CCSER1: variants seen among roughly 807,000 people sequenced by gnomAD.
CCSER1 encodes coiled-coil serine rich protein 1, also known as serine-rich coiled-coil domain-containing protein 1.
CCSER1 carries 41 observed loss-of-function variants against 82.0 expected under a neutral mutation model. The ratio of observed to expected loss-of-function variants is 0.50; its 90% confidence interval spans 0.39 to 0.65. The LOEUF (loss-of-function observed/expected upper bound fraction) is 0.65, where lower values mean the gene tolerates loss of function less well. Among genes scored for constraint, CCSER1 ranks in the 30% least tolerant of loss-of-function variants. The pLI, the probability that CCSER1 is intolerant of heterozygous loss-of-function variation, is 0.00. For synonymous variants in CCSER1, 414 were observed against 383.9 expected (o/e 1.08, Z -0.92); for missense variants, 1,119 against 1,064.2 (o/e 1.05, Z -0.72).
At chr4:90,728,260 T>G (rs1744044724) in intron 7 of CCSER1, among the ~76,000 whole-genome samples, 1 of 152,316 alleles carries the variant, frequency 6.6e-6, no homozygotes, top group Admixed American at 6.5e-5. Flanking sequence ...AAATCCAAGG[T>G]TCTCTGACTT....
intron 1 of CCSER1, among the ~76,000 whole-genome samples, chr4:90,245,871 C>G (rs955914492): frequency 1.3e-5 from 2 of 151,944 alleles, no homozygotes; most frequent in African/African-American, 4.8e-5. Flanking sequence ...TTTGCAACCA[C>G]AAGGAATCTA....
chr4:91,275,800 A>G (rs1742383847), intron 10 of CCSER1, among the ~76,000 whole-genome samples: 1 of 152,072 alleles, frequency 6.6e-6, no homozygotes, highest in Admixed American at 6.6e-5. Context: ...CAGCTTTTAG[A>G]TTTAAGTCTT....
intron 10 of CCSER1, among the ~76,000 whole-genome samples, chr4:91,159,164 T>A (rs1731119431): frequency 6.6e-6 from 1 of 151,950 alleles, no homozygotes; most frequent in Non-Finnish European, 1.5e-5. Flanking sequence ...TTTCCCCACA[T>A]GTTCTCCGGG....
At chr4:91,217,878 C>CAGTGGAGA (rs1737386743) in intron 10 of CCSER1, among the ~76,000 whole-genome samples, 1 of 152,246 alleles carries the variant, frequency 6.6e-6, no homozygotes, top group Non-Finnish European at 1.5e-5. Context: ...CTCCACTCCC[C>CAGTGGAGA]ACCAGACTCA....
In CCSER1 at chr4:90,548,639, T is replaced by A. The variant is rs114876481; in HGVS notation, c.1725-79386T>A. Among the ~76,000 whole-genome samples, 792 of 151,862 alleles carry A rather than the reference T, an allele frequency of 5.2e-3. 3 individuals are homozygous for A. Among genetic ancestry groups the A allele is most frequent in the African/African-American group, 0.018 (758 of 41,428 alleles). ...TAGTGAGTGGTAGGACCTGGGAAACTCCTATTGGTATTTGTGTCATGCTAA... is the reference window on the plus strand; with the variant it reads ...TAGTGAGTGGTAGGACCTGGGAAACACCTATTGGTATTTGTGTCATGCTAA... On this transcript the variant is annotated intron_variant, in intron 5 of 10. Coordinates refer to ENST00000509176, the MANE Select transcript of CCSER1 (RefSeq NM_001145065.2).
chr4:91,214,536 C>T (rs537753344), intron 10 of CCSER1, among the ~76,000 whole-genome samples: 4 of 152,132 alleles, frequency 2.6e-5, no homozygotes, highest in Non-Finnish European at 5.9e-5. Flanking sequence ...ATTCATAGTT[C>T]ATATTTCCTT....
chr4:90,968,675 T>C (rs1203074806), intron 9 of CCSER1, among the ~76,000 whole-genome samples: 1 of 152,060 alleles, frequency 6.6e-6, no homozygotes, highest in Non-Finnish European at 1.5e-5. Flanking sequence ...TCCAGGCTGA[T>C]TGGTGAAGGT....
At chr4:90,274,880 G>T (rs1179644428) in intron 1 of CCSER1, among the ~76,000 whole-genome samples, 2 of 152,100 alleles carry the variant, frequency 1.3e-5, no homozygotes, top group South Asian at 4.1e-4. Context: ...TAGAATGAAA[G>T]ATTGGGCTTA....
intron 10 of CCSER1, among the ~76,000 whole-genome samples, chr4:91,569,300 A>C (rs1328931574): frequency 6.6e-6 from 1 of 152,092 alleles, no homozygotes; most frequent in Non-Finnish European, 1.5e-5. Context: ...GTAGATTGCA[A>C]CTTGACACTC....
chr4:90,306,902 G>GA (rs932032067), intron 1 of CCSER1, among the ~76,000 whole-genome samples: 2 of 152,170 alleles, frequency 1.3e-5, no homozygotes, highest in Admixed American at 1.3e-4. Context: ...GCAGTCACTA[G>GA]AATAGCAATA....
intron 1 of CCSER1, among the ~76,000 whole-genome samples, chr4:90,183,547 A>T (rs1338522568): frequency 6.6e-6 from 1 of 152,136 alleles, no homozygotes; most frequent in Non-Finnish European, 1.5e-5. Flanking sequence ...GCACACACAC[A>T]TGCATGCACA....
intron 10 of CCSER1, among the ~76,000 whole-genome samples, chr4:91,498,132 A>T (rs1049280379): frequency 6.6e-6 from 1 of 152,028 alleles, no homozygotes. Flanking sequence ...ACCCAAGGTC[A>T]GAGTGAGAAA....
intron 3 of CCSER1, among the ~76,000 whole-genome samples, chr4:90,347,012 C>A (rs1742466436): frequency 6.6e-6 from 1 of 151,978 alleles, no homozygotes; most frequent in African/African-American, 2.4e-5. Context: ...CAGGTGAATT[C>A]AATATGGATA....
intron 5 of CCSER1, among the ~76,000 whole-genome samples, chr4:90,548,749 T>TAC (rs1553939942): frequency 6.0e-4 from 89 of 147,834 alleles, no homozygotes; most frequent in Middle Eastern, 3.6e-3. Context: ...TATATATATA[T>TAC]ACACACACAC....
In CCSER1 at chr4:90,835,300, T is replaced by C. The variant is rs1017202138; in HGVS notation, c.2094+19455T>C. 9.2e-5 allele frequency among the ~76,000 whole-genome samples: 14 copies of C among 152,162 alleles called. 1 individual carries two copies. Among genetic ancestry groups the C allele is most frequent in the Admixed American group, 6.5e-5 (1 of 15,278 alleles). On this transcript the variant is annotated intron_variant, in intron 8 of 10. Coordinates refer to ENST00000509176, the MANE Select transcript of CCSER1 (RefSeq NM_001145065.2). ...GAGCCGAGATGACGCCACTGCACTC[T>C]AGCCCGGGCGACAGAGCCAAACTCC...
chr4:90,367,638 G>A (rs942535727), intron 3 of CCSER1, among the ~76,000 whole-genome samples: 26 of 151,798 alleles, frequency 1.7e-4, no homozygotes, highest in African/African-American at 6.3e-4. Flanking sequence ...AATATAAAAT[G>A]AGGAAAAAAA....
chr4:91,207,239 G>T (rs969344800), intron 10 of CCSER1, among the ~76,000 whole-genome samples: 1 of 151,770 alleles, frequency 6.6e-6, no homozygotes, highest in African/African-American at 2.4e-5. Context: ...TTATGTTCAG[G>T]TGTACATGTG....
intron 5 of CCSER1, among the ~76,000 whole-genome samples, chr4:90,504,760 G>T (rs892269908): frequency 2.0e-5 from 3 of 152,050 alleles, no homozygotes; most frequent in African/African-American, 7.2e-5. Context: ...ATGACTTTAG[G>T]ATAGAAAACA....
intron 10 of CCSER1, among the ~76,000 whole-genome samples, chr4:91,423,297 G>A (rs1753784557): frequency 6.6e-6 from 1 of 151,728 alleles, no homozygotes; most frequent in South Asian, 2.1e-4. Flanking sequence ...AGGCATGATG[G>A]AAAGTGCCTG....
Sources: gnomAD v4.1 joint callset for allele counts (sites outside exome capture counted in the v4.1 genomes callset) on GRCh38, gnomAD v4.1.1 for gene constraint, MANE v1.5 for transcripts, NCBI Gene and HGNC (gene_info 2026-07-23, HGNC 2026-07-21) for gene names.